Variants in MUC5B observed in about 807,000 individuals in gnomAD.
The protein encoded by MUC5B is mucin 5B, oligomeric mucus/gel-forming.
Under a neutral mutation model 376.9 loss-of-function variants are expected in MUC5B, and 116 were observed. That is an observed-to-expected ratio of 0.31 (90% confidence interval 0.26 to 0.36). MUC5B has a LOEUF of 0.36. MUC5B is among the 10% of genes least tolerant of loss of function. The pLI, the probability that MUC5B is intolerant of heterozygous loss-of-function variation, is 1.00. For missense variants in MUC5B, 7,165 were observed against 7,769.9 expected, an observed-to-expected ratio of 0.92 and a Z score of 2.93; for synonymous variants, 3,517 against 3,390.9, an observed-to-expected ratio of 1.04 and a Z score of -1.29.
Position 1,242,829 on chromosome 11 carries a change from C to T in MUC5B, c.5949C>T (p.Ile1983=). The T allele has an allele frequency of 6.2e-7, 1 of 1,613,360 alleles. No homozygotes were observed. Among genetic ancestry groups the T allele is most frequent in the South Asian group, 1.1e-5 (1 of 91,034 alleles). ...CCACAGCTACCAGCGTTACACCCAT[C>T]CCCTCTTCCTCCCTGGGCACCACCT... The part of the protein sequence containing the change: ...TTPTATSVTP[I]PSSSLGTTWT... The change falls in exon 31 of 49, where the codon ATC becomes ATT. Residue 1983 remains isoleucine (I), a synonymous_variant. Coordinates refer to ENST00000529681, the MANE Select transcript of MUC5B (RefSeq NM_002458.3).
Position 1,250,001 on chromosome 11 carries a change from G to A in MUC5B, c.13121G>A (p.Arg4374Lys). Residue 4374 changes from arginine to lysine, a missense_variant, in exon 31 of 49, where the codon AGG becomes AAG. Arg to Lys is a conservative substitution (Grantham distance 26). This residue lies in a region of MUC5B where 431 missense variants were observed against 390.4 expected (regional missense o/e 1.10). Coordinates refer to ENST00000529681, the MANE Select transcript of MUC5B (RefSeq NM_002458.3). ...CTGACCACGAAGGCCACCACGACAA[G>A]GGCCACCAGTTCCACGTCCACCCCC... ...TVLTTKATTTRATSSTSTPSS... is the reference protein window; with the variant it reads ...TVLTTKATTTKATSSTSTPSS... 1.5e-5 allele frequency: 24 copies of A among 1,607,026 alleles called. No homozygotes were observed. Among genetic ancestry groups the A allele is most frequent in the Non-Finnish European group, 2.0e-5 (24 of 1,177,198 alleles).
At chr11:1,260,431 T>TCCAGCC in intron 47 of MUC5B, 38 bp downstream of exon 47, 2 of 1,609,772 alleles carry the variant, frequency 1.2e-6, no homozygotes, top group East Asian at 4.5e-5. Context: ...GCCCTCCAGC[T>TCCAGCC]CCAGCCCGTC....
In MUC5B at chr11:1,240,930, G is replaced by C. The variant is rs1244102757; in HGVS notation, c.4050G>C (p.Glu1350Asp). 6.2e-7 allele frequency: 1 copy of C among 1,613,174 alleles called. No homozygotes were observed. The highest frequency in any genetic ancestry group is 8.5e-7 in the Non-Finnish European group (1 of 1,179,848). ...WSSWYNGHRPEPGLGGGDFET... is the reference protein window; with the variant it reads ...WSSWYNGHRPDPGLGGGDFET... ...GCTGGTACAATGGGCACCGCCCAGA[G>C]CCCGGCCTGGGAGGCGGAGACTTTG... Residue 1350 changes from glutamate to aspartate, a missense_variant, in exon 31 of 49, where the codon GAG (glutamate) becomes GAC (aspartate). Coordinates refer to ENST00000529681, the MANE Select transcript of MUC5B (RefSeq NM_002458.3).
In MUC5B at chr11:1,250,286, C is replaced by T. The variant is rs750672989; in HGVS notation, c.13406C>T (p.Ala4469Val). 1 of 1,613,176 alleles carries T rather than the reference C, an allele frequency of 6.2e-7. No individual in the cohort carries two copies. The highest frequency in any genetic ancestry group is 1.3e-5 in the African/African-American group (1 of 74,910). ...GTGCCCACCGGATCCACGGCCACCG[C>T]CTCCTCCACCCAGGCAACTGCTGGC... ...VTVPTGSTAT[A>V]SSTQATAGTP... Residue 4469 changes from alanine to valine, a missense_variant, in exon 31 of 49, where the codon GCC becomes GTC. By Grantham distance (64) the Ala-to-Val change is moderately conservative (BLOSUM62 0). Around this residue, in one of 31 missense-constraint regions of MUC5B, gnomAD observed 431 missense variants for 390.4 expected, o/e 1.10. Coordinates refer to ENST00000529681, the MANE Select transcript of MUC5B (RefSeq NM_002458.3).
chr11:1,239,233 G>A (rs531255787), intron 26 of MUC5B: 1 of 891,474 alleles, frequency 1.1e-6, no homozygotes, highest in Non-Finnish European at 1.7e-6. Flanking sequence ...GCATGAGACA[G>A]CTCCTAGGGG....
chr11:1,247,877 G>T lies in MUC5B; in HGVS notation c.10997G>T (p.Cys3666Phe). ...AACTATGAAATCCGTGTGTTCTGCT[G>T]CAACTACGGCCACTGCCCCAGCACC... is the stretch of plus-strand genomic sequence containing the variant. ...CFNYEIRVFC[C>F]NYGHCPSTPA... The change falls in exon 31 of 49, where the codon TGC becomes TTC. Residue 3666 changes from cysteine (C) to phenylalanine (F), a missense_variant. Cys to Phe is a radical substitution (Grantham distance 205). This residue lies in a region of MUC5B where 81 missense variants were observed against 154.5 expected (regional missense o/e 0.52). Coordinates refer to ENST00000529681, the MANE Select transcript of MUC5B (RefSeq NM_002458.3). The T allele has an allele frequency of 6.2e-7, 1 of 1,610,754 alleles. No individual in the cohort carries two copies. The highest frequency in any genetic ancestry group is 8.5e-7 in the Non-Finnish European group (1 of 1,178,854).
At position 1,240,273 on chromosome 11, in the gene MUC5B, G is replaced by A. The variant is rs748955523; in HGVS notation, c.3868G>A (p.Gly1290Arg). Residue 1290 changes from glycine (G) to arginine (R), a missense_variant, in exon 30 of 49, where the codon GGA becomes AGA. Around this residue, in one of 31 missense-constraint regions of MUC5B, gnomAD observed 517 missense variants for 545.3 expected, o/e 0.95. Coordinates refer to ENST00000529681, the MANE Select transcript of MUC5B (RefSeq NM_002458.3). Reference sequence around the variant, plus strand: ...TGGCGCCTGCTTGATCGCCATCTGCGGAAGCAACGGCACCATCATCAGGAA... The same window carrying A: ...TGGCGCCTGCTTGATCGCCATCTGCAGAAGCAACGGCACCATCATCAGGAA... Reference protein sequence around the residue: ...GLGACLIAICGSNGTIIRKAV... With the variant: ...GLGACLIAICRSNGTIIRKAV... The A allele has an allele frequency of 1.7e-5, 27 of 1,613,596 alleles. No homozygotes were observed. The highest frequency in any genetic ancestry group is 2.2e-5 in the Non-Finnish European group (26 of 1,179,734).
In MUC5B at chr11:1,241,997, T is replaced by C. The variant is rs1356231315; in HGVS notation, c.5117T>C (p.Leu1706Ser). 1.0e-5 allele frequency: 16 copies of C among 1,589,430 alleles called. No homozygotes were observed. In the African/African-American group the frequency reaches 2.0e-4, roughly 20 times the overall value. ...RSALPGTTGSLGTWRPSQPPT... is the reference protein window; with the variant it reads ...RSALPGTTGSSGTWRPSQPPT... Reference sequence around the variant, plus strand: ...GCCCTTCCAGGGACGACGGGGAGCTTGGGCACATGGCGCCCCTCACAGCCA... The same window carrying C: ...GCCCTTCCAGGGACGACGGGGAGCTCGGGCACATGGCGCCCCTCACAGCCA... The change falls in exon 31 of 49, where the codon TTG becomes TCG. Residue 1706 changes from leucine (L) to serine (S), a missense_variant. By Grantham distance (145) the Leu-to-Ser change is moderately radical. Around this residue, in one of 31 missense-constraint regions of MUC5B, gnomAD observed 897 missense variants for 779.6 expected, o/e 1.15. Transcript: ENST00000529681.
rs371246758 is a variant in MUC5B at position 1,231,460 on chromosome 11, C to T, written c.1578C>T (p.Ile526=). ...ITLFTPSSFF[I]VVQTGLGLQL... is the part of the protein sequence containing the mutation. ...TGTTCACACCCTCGAGCTTCTTCAT[C>T]GTGGTGCAGACAGGCCTGGGGCTGC... is the stretch of plus-strand genomic sequence containing the variant. The change falls in exon 14 of 49, where the codon ATC becomes ATT. Residue 526 remains isoleucine (I), a synonymous_variant. Coordinates refer to ENST00000529681, the MANE Select transcript of MUC5B (RefSeq NM_002458.3). The T allele has an allele frequency of 2.8e-5, 45 of 1,611,920 alleles. No homozygotes were observed. Among genetic ancestry groups the T allele is most frequent in the African/African-American group, 4.0e-5 (3 of 74,914 alleles).
chr11:1,223,305 A>T, intron 1 of MUC5B, 112 bp downstream of exon 1: 1 of 694,740 alleles, frequency 1.4e-6, no homozygotes, highest in Non-Finnish European at 2.6e-6. Flanking sequence ...TCCCCCTACG[A>T]CTCCCTGAGT....
In MUC5B at chr11:1,244,413, T is replaced by C; in HGVS notation, c.7533T>C (p.Thr2511=). ...CCACAGTCACCAGCTCCAAAGCCAC[T>C]CCCTTCTCCAGTCCAGGGACTGCAA... ...TTPTVTSSKA[T]PFSSPGTATA... is the part of the protein sequence containing the mutation. Residue 2511 remains threonine, a synonymous_variant, in exon 31 of 49, where the codon ACT becomes ACC. Coordinates refer to ENST00000529681, the MANE Select transcript of MUC5B (RefSeq NM_002458.3). 6.3e-7 allele frequency: 1 copy of C among 1,595,462 alleles called. No homozygotes were observed. The highest frequency in any genetic ancestry group is 8.6e-7 in the Non-Finnish European group (1 of 1,169,232).
intron 25 of MUC5B, among the ~76,000 whole-genome samples, chr11:1,238,229 ACT>A (rs1455588965): frequency 6.6e-6 from 1 of 151,682 alleles, no homozygotes; most frequent in Admixed American, 6.6e-5. Context: ...GGAAGTGACC[ACT>A]CCTTCCTTAG....
At position 1,242,275 on chromosome 11, in the gene MUC5B, C is replaced by A. The variant is rs1265067660; in HGVS notation, c.5395C>A (p.Pro1799Thr). The change falls in exon 31 of 49, where the codon CCA becomes ACA. Residue 1799 changes from proline (P) to threonine (T), a missense_variant. Pro to Thr is a conservative substitution (Grantham distance 38). Coordinates refer to ENST00000529681, the MANE Select transcript of MUC5B (RefSeq NM_002458.3). ...GACAGAGTGGTTTGACGTGGACTTC[C>A]CAACCTCAGGGGTTGCAGGCGGGGA... ...EWTEWFDVDFPTSGVAGGDME... is the reference protein window; with the variant it reads ...EWTEWFDVDFTTSGVAGGDME... The A allele has an allele frequency of 6.2e-7, 1 of 1,613,774 alleles. No homozygotes were observed. The highest frequency in any genetic ancestry group is 8.5e-7 in the Non-Finnish European group (1 of 1,179,896).
At chr11:1,229,888 G>T in intron 10 of MUC5B, 81 bp downstream of exon 10, 1 of 1,547,068 alleles carries the variant, frequency 6.5e-7, no homozygotes, top group Non-Finnish European at 8.7e-7. Flanking sequence ...CTCTGCCTGG[G>T]GTGGGGGTGT....
Position 1,253,112 on chromosome 11 carries a change from ATG to A in MUC5B, c.15217+133_15217+134del. ...GGGGAATGGTGGGGCATGGTGGGGC[ATG>A]GTGGGGTGCAGTGGGGCATGGTGGG... On this transcript the variant is annotated intron_variant, in intron 33 of 48. Coordinates refer to ENST00000529681, the MANE Select transcript of MUC5B (RefSeq NM_002458.3). The surrounding 1 kb of genome is among the most constrained non-coding windows in gnomAD (Gnocchi z 4.3). 1 of 439,368 alleles carries A rather than the reference ATG, an allele frequency of 2.3e-6. No homozygotes were observed. The highest frequency in any genetic ancestry group is 2.0e-5 in the South Asian group (1 of 51,248). The allele number at this position is 439,368 out of a possible 1,614,324, so 27.2% of individuals were successfully genotyped here.
Position 1,248,381 on chromosome 11 carries a change from C to A in MUC5B, c.11501C>A (p.Ser3834Tyr). 1 of 1,612,816 alleles carries A rather than the reference C, an allele frequency of 6.2e-7. No homozygotes were observed. Among genetic ancestry groups the A allele is most frequent in the Non-Finnish European group, 8.5e-7 (1 of 1,179,530 alleles). The change falls in exon 31 of 49, where the codon TCC becomes TAC. Residue 3834 changes from serine (S) to tyrosine (Y), a missense_variant. Transcript: ENST00000529681. The part of the protein sequence containing the change: ...PSSTPETAHT[S>Y]TVLTTTATTT... ...TCCACTCCAGAGACTGCCCACACCT[C>A]CACAGTGCTTACCACCACGGCCACC...
Position 1,260,094 on chromosome 11 carries a change from T to C in MUC5B, c.16923+9T>C. On this transcript the variant is annotated intron_variant, in intron 46 of 48. Transcript: ENST00000529681. ...ATGTGTCCAGCTGCAGGGTGTGTGC[T>C]GGAGGCCCTGCCCCTGCCTGGGAGT... 6.2e-7 allele frequency: 1 copy of C among 1,611,994 alleles called. No homozygotes were observed. The highest frequency in any genetic ancestry group is 8.5e-7 in the Non-Finnish European group (1 of 1,179,424).
rs201324084 is a variant in MUC5B at position 1,245,805 on chromosome 11, G to A, written c.8925G>A (p.Pro2975=). The A allele has an allele frequency of 5.2e-5, 83 of 1,610,946 alleles. No individual in the cohort carries two copies. The Admixed American group carries it at 9.7e-4, about 19-fold the overall frequency. ...ACTACGGCCACTGCCCCAGCACCCC[G>A]GCCACCAGCTCTACGGCCACGCCCT... ...CCNYGHCPST[P]ATSSTATPSS... is the part of the protein sequence containing the mutation. The change falls in exon 31 of 49, where the codon CCG becomes CCA. Residue 2975 remains proline (P), a synonymous_variant. Transcript: ENST00000529681.
In MUC5B at chr11:1,258,255, GA is replaced by G. The variant is rs1862898331; in HGVS notation, c.16555+53del. On this transcript the variant is annotated intron_variant, in intron 42 of 48. Transcript: ENST00000529681. The surrounding 1 kb of genome is among the most constrained non-coding windows in gnomAD (Gnocchi z 5.5). The stretch of plus-strand genomic sequence containing the variant: ...GGGTGGCCTCTTGCTGGGGGTGGGG[GA>G]GTGCAGGATGGTGGGGGCGCTGGAG... 5.7e-6 allele frequency: 9 copies of G among 1,578,460 alleles called. No individual in the cohort carries two copies. The highest frequency in any genetic ancestry group is 2.3e-5 in the East Asian group (1 of 43,230).
Sources: gnomAD v4.1 joint callset for allele counts (sites outside exome capture counted in the v4.1 genomes callset) on GRCh38, gnomAD v4.1.1 for gene constraint, gnomAD v4.1.1 regional missense constraint, Gnocchi (gnomAD v3.1) non-coding constraint, MANE v1.5 for transcripts, NCBI Gene and HGNC (gene_info 2026-07-23, HGNC 2026-07-21) for gene names.